The following ASTN2 variants were observed in gnomAD, a reference collection of about 807,000 sequenced individuals.
ASTN2 encodes the protein astrotactin-2.
Under a neutral mutation model 139.8 loss-of-function variants are expected in ASTN2, and 54 were observed. The ratio of observed to expected loss-of-function variants is 0.39; its 90% CI spans 0.31 to 0.48. The LOEUF (loss-of-function observed/expected upper bound fraction) is 0.48, where lower values mean the gene tolerates loss of function less well. Among genes scored for constraint, ASTN2 ranks in the 20% least tolerant of loss-of-function variants. The pLI, the probability that ASTN2 is intolerant of heterozygous loss-of-function variation, is 0.95. For synonymous variants in ASTN2, 756 were observed against 719.5 expected (o/e 1.05, Z -0.81); for missense variants, 1,565 against 1,725.1 (o/e 0.91, Z 1.64).
intron 2 of ASTN2, among the ~76,000 whole-genome samples, chr9:117,255,393 C>A (rs1833656637): frequency 6.6e-6 from 1 of 152,196 alleles, no homozygotes; most frequent in African/African-American, 2.4e-5. Context: ...GCACTTTTAA[C>A]CCACACTGTT....
At chr9:116,506,538 T>G (rs539239936) in intron 19 of ASTN2, among the ~76,000 whole-genome samples, 1 of 152,204 alleles carries the variant, frequency 6.6e-6, no homozygotes, top group Admixed American at 6.5e-5. Context: ...TAGGCCTTGC[T>G]AGAGTCCCAT....
At position 117,257,169 on chromosome 9, in the gene ASTN2, T is replaced by C. The variant is rs573957953; in HGVS notation, c.630+34157A>G. Among the ~76,000 whole-genome samples, 29 of 152,326 alleles carry C rather than the reference T, an allele frequency of 1.9e-4. 1 individual carries two copies. The Middle Eastern group carries it at 0.014, about 71-fold the overall frequency. ...TCTATTTTGTTCTATTCTATTTCCA[T>C]TTGATTTTGATGAAGAAAATGCTGG... On this transcript the variant is annotated intron_variant, in intron 2 of 22. Transcript: ENST00000313400.
At chr9:117,146,932 A>G (rs1045363119) in intron 3 of ASTN2, among the ~76,000 whole-genome samples, 23 of 152,232 alleles carry the variant, frequency 1.5e-4, no homozygotes, top group African/African-American at 5.5e-4. Context: ...GAAATGACCA[A>G]GCTTTGAGGT....
intron 5 of ASTN2, among the ~76,000 whole-genome samples, chr9:117,063,843 T>G (rs1839370263): frequency 6.6e-6 from 1 of 152,014 alleles, no homozygotes; most frequent in African/African-American, 2.4e-5. Context: ...TAGCAAAACC[T>G]TACTGGGGTG....
chr9:116,704,295 T>C (rs902040902), intron 16 of ASTN2, among the ~76,000 whole-genome samples: 3 of 151,960 alleles, frequency 2.0e-5, no homozygotes, highest in African/African-American at 7.2e-5. Context: ...TTGCATAATC[T>C]TTGTTATAAC....
chr9:117,361,281 T>G (rs913421378), intron 1 of ASTN2, among the ~76,000 whole-genome samples: 1 of 152,198 alleles, frequency 6.6e-6, no homozygotes, highest in Non-Finnish European at 1.5e-5. Context: ...TGCTTCTTGT[T>G]CTCAAAAGGA....
intron 16 of ASTN2, among the ~76,000 whole-genome samples, chr9:116,716,765 T>C (rs1186899653): frequency 1.3e-5 from 2 of 152,188 alleles, no homozygotes; most frequent in Non-Finnish European, 2.9e-5. Flanking sequence ...TACTTTATAA[T>C]GCAGCCCTGA....
chr9:116,993,560 C>A (rs1836920771), intron 7 of ASTN2, among the ~76,000 whole-genome samples: 1 of 150,334 alleles, frequency 6.7e-6, no homozygotes, highest in African/African-American at 2.4e-5. Context: ...TACAGCAATA[C>A]AATTTCATTA....
chr9:116,814,126 G>A (rs1393690462), intron 12 of ASTN2, among the ~76,000 whole-genome samples: 2 of 151,744 alleles, frequency 1.3e-5, no homozygotes, highest in African/African-American at 4.8e-5. Flanking sequence ...TTGGACCAAC[G>A]TTAGGAATAA....
At chr9:116,640,248 C>T (rs1240528576) in intron 17 of ASTN2, among the ~76,000 whole-genome samples, 1 of 152,048 alleles carries the variant, frequency 6.6e-6, no homozygotes. Context: ...TAATCCCTTC[C>T]ATTTCTGAGT....
chr9:116,728,500 G>A (rs117201643), intron 15 of ASTN2, among the ~76,000 whole-genome samples: 1,589 of 152,192 alleles, frequency 0.01, 8 homozygotes, highest in Non-Finnish European at 0.016. Flanking sequence ...TAAAGTTCAT[G>A]TGGATATAAT....
At chr9:117,267,945 T>C (rs1329027862) in intron 2 of ASTN2, among the ~76,000 whole-genome samples, 1 of 152,216 alleles carries the variant, frequency 6.6e-6, no homozygotes, top group Non-Finnish European at 1.5e-5. Context: ...ACTTTGTTGT[T>C]ACATATCAGG....
At chr9:117,123,151 A>C (rs955116868) in intron 4 of ASTN2, among the ~76,000 whole-genome samples, 6 of 152,180 alleles carry the variant, frequency 3.9e-5, no homozygotes, top group African/African-American at 1.2e-4. Flanking sequence ...CTACAGTGGC[A>C]GGGGCTGAGA....
intron 19 of ASTN2, among the ~76,000 whole-genome samples, chr9:116,523,430 C>A (rs554601009): frequency 6.6e-6 from 1 of 152,244 alleles, no homozygotes; most frequent in South Asian, 2.1e-4. Context: ...CATTGCAGAG[C>A]TCACTCAACC....
chr9:116,636,210 T>C (rs1857066709), intron 17 of ASTN2, among the ~76,000 whole-genome samples: 1 of 152,196 alleles, frequency 6.6e-6, no homozygotes, highest in Non-Finnish European at 1.5e-5. Context: ...AAGTTATGTT[T>C]TGAATACCTA....
intron 19 of ASTN2, among the ~76,000 whole-genome samples, chr9:116,509,299 G>C (rs111723858): frequency 0.021 from 3,163 of 152,142 alleles, 107 homozygotes; most frequent in African/African-American, 0.072. Flanking sequence ...AAGAATGATG[G>C]TTTATAGCTT....
intron 1 of ASTN2, among the ~76,000 whole-genome samples, chr9:117,361,982 T>TTTTGC (rs1293109384): frequency 6.7e-6 from 1 of 148,286 alleles, no homozygotes; most frequent in Non-Finnish European, 1.5e-5. Context: ...GTTTGTTTTG[T>TTTTGC]TTTGCTTTGA....
At chr9:116,970,588 T>C (rs1836163994) in intron 10 of ASTN2, among the ~76,000 whole-genome samples, 1 of 152,224 alleles carries the variant, frequency 6.6e-6, no homozygotes, top group Non-Finnish European at 1.5e-5. Context: ...GTCTTATTTT[T>C]ATATCTCTAT....
chr9:116,919,541 A>G (rs1056071335), intron 10 of ASTN2, among the ~76,000 whole-genome samples: 1 of 151,816 alleles, frequency 6.6e-6, no homozygotes, highest in Admixed American at 6.6e-5. Flanking sequence ...TCATGGACCT[A>G]TGAATTTTTC....
Sources: allele counts gnomAD v4.1 joint callset (sites outside exome capture counted in the v4.1 genomes callset), GRCh38; gene constraint gnomAD v4.1.1; transcripts MANE v1.5; gene names NCBI Gene and HGNC (gene_info 2026-07-23, HGNC 2026-07-21).